SYK: variants seen among roughly 807,000 people sequenced by gnomAD.
The protein encoded by SYK is tyrosine-protein kinase SYK.
Under a neutral mutation model 77.8 loss-of-function variants are expected in SYK, and 16 were observed. That is an observed-to-expected ratio of 0.21 (90% CI 0.14 to 0.31). SYK has a LOEUF of 0.31. SYK is among the 10% of genes least tolerant of loss of function. The probability of loss-of-function intolerance (pLI) is 1.00; values close to 1 mark genes in which losing one functional copy is unlikely to be tolerated. For missense variants in SYK, 529 were observed against 814.4 expected, an observed-to-expected ratio of 0.65 and a Z score of 4.26; for synonymous variants, 312 against 308.7, an observed-to-expected ratio of 1.01 and a Z score of -0.11.
intron 6 of SYK, among the ~76,000 whole-genome samples, chr9:90,866,789 A>T (rs549500348): frequency 1.3e-5 from 2 of 152,350 alleles, no homozygotes; most frequent in South Asian, 4.1e-4. Context: ...AACACAACTG[A>T]GCACTCAGAT....
At chr9:90,837,959 G>C (rs1351676488) in intron 1 of SYK, among the ~76,000 whole-genome samples, 3 of 152,138 alleles carry the variant, frequency 2.0e-5, no homozygotes, top group Non-Finnish European at 4.4e-5. Context: ...TTTCTGACTT[G>C]GTGAGAGGGA....
intron 5 of SYK, 79 bp from the exon 6 acceptor site, chr9:90,864,969 T>C (rs1386932879): frequency 3.6e-6 from 5 of 1,383,756 alleles, no homozygotes; most frequent in East Asian, 2.3e-5. Context: ...CCTGATCTCA[T>C]TGATTGATCT....
chr9:90,835,626 A>G (rs185266263), intron 1 of SYK, among the ~76,000 whole-genome samples: 20 of 152,308 alleles, frequency 1.3e-4, no homozygotes, highest in Non-Finnish European at 2.5e-4. Flanking sequence ...ATGGGGAATC[A>G]GATAAGAAAG....
At chr9:90,836,956 A>G (rs4744511) in intron 1 of SYK, among the ~76,000 whole-genome samples, 1 of 152,264 alleles carries the variant, frequency 6.6e-6, no homozygotes, top group South Asian at 2.1e-4. Context: ...TATTGTAAAC[A>G]TATATTCTAT....
In SYK at chr9:90,806,503, G is replaced by A. The variant is rs572750587; in HGVS notation, c.-42+4610G>A. ...TCTTGCCTCAGCCTCCCAAAGTGCT[G>A]GGATTATAGGCATGATCCACTGTGC... On this transcript the variant is annotated intron_variant, in intron 1 of 13. Transcript: ENST00000375754. Among the ~76,000 whole-genome samples, 18 of 151,988 alleles carry A rather than the reference G, an allele frequency of 1.2e-4. No homozygotes were observed. In the South Asian group the frequency reaches 2.7e-3, roughly 23 times the overall value.
chr9:90,814,966 T>C (rs982392365), intron 1 of SYK, among the ~76,000 whole-genome samples: 1 of 152,194 alleles, frequency 6.6e-6, no homozygotes, highest in Admixed American at 6.5e-5. Flanking sequence ...AGAAAGCTAC[T>C]AAGTCATGTA....
chr9:90,884,444 T>C (rs1294111161), intron 11 of SYK, among the ~76,000 whole-genome samples: 7 of 91,310 alleles, frequency 7.7e-5, no homozygotes, highest in Non-Finnish European at 1.2e-4. Context: ...TGTGTACATA[T>C]ACATACACAT....
chr9:90,842,222 TAGTG>T (rs1243453348), intron 1 of SYK, among the ~76,000 whole-genome samples: 1 of 150,236 alleles, frequency 6.7e-6, no homozygotes, highest in Non-Finnish European at 1.5e-5. Flanking sequence ...GTGATGTGCA[TAGTG>T]TGCGTGTAGT....
chr9:90,816,498 G>C (rs72729013), intron 1 of SYK, among the ~76,000 whole-genome samples: 3,027 of 152,274 alleles, frequency 0.02, 108 homozygotes, highest in East Asian at 0.16. Context: ...TTTCCAAGGA[G>C]AAGCTTGAGG....
chr9:90,874,588 T>C, intron 8 of SYK, 84 bp from the exon 9 acceptor site: 1 of 1,454,694 alleles, frequency 6.9e-7, no homozygotes, highest in South Asian at 1.3e-5. Context: ...TGAGTTCATA[T>C]TCCCATGAAG....
intron 12 of SYK, 51 bp from the exon 13 acceptor site, chr9:90,888,464 G>C: frequency 7.2e-7 from 1 of 1,396,172 alleles, no homozygotes; most frequent in Non-Finnish European, 9.7e-7. Context: ...TGTTTTGTTT[G>C]ACTAACACCT....
chr9:90,842,690 G>A (rs1180622808), intron 1 of SYK, among the ~76,000 whole-genome samples: 2 of 151,398 alleles, frequency 1.3e-5, no homozygotes, highest in Non-Finnish European at 2.9e-5. Context: ...TGGTGTGTGT[G>A]TAGTGCAGGT....
At chr9:90,886,331 GA>G (rs1209499976) in intron 11 of SYK, among the ~76,000 whole-genome samples, 1 of 152,046 alleles carries the variant, frequency 6.6e-6, no homozygotes, top group Non-Finnish European at 1.5e-5. Flanking sequence ...GCAGATGCAG[GA>G]AAAAAAGGAA....
At position 90,845,597 on chromosome 9, in the gene SYK, G is replaced by A. The variant is rs202017568; in HGVS notation, c.578+3G>A. On this transcript the variant is annotated splice_donor_region_variant and intron_variant, in intron 3 of 13. Transcript: ENST00000375754. The stretch of plus-strand genomic sequence containing the variant: ...TCAAAGACAAATGGAAAGTTCCTGT[G>A]AGTATCGTGCCTTCCCCCTCACCTC... 5.6e-6 allele frequency: 9 copies of A among 1,613,402 alleles called. No individual in the cohort carries two copies. The highest frequency in any genetic ancestry group is 4.2e-6 in the Non-Finnish European group (5 of 1,179,614).
intron 1 of SYK, among the ~76,000 whole-genome samples, chr9:90,840,742 G>A (rs1487518859): frequency 1.3e-5 from 2 of 152,174 alleles, no homozygotes; most frequent in African/African-American, 4.8e-5. Flanking sequence ...TGAATTTTTA[G>A]AAACTTGTTG....
chr9:90,821,531 A>G (rs1434136244), intron 1 of SYK, among the ~76,000 whole-genome samples: 1 of 152,174 alleles, frequency 6.6e-6, no homozygotes, highest in African/African-American at 2.4e-5. Flanking sequence ...TAGCATGGGA[A>G]AGACTGGCCC....
intron 1 of SYK, among the ~76,000 whole-genome samples, chr9:90,804,331 C>T (rs1376590474): frequency 6.6e-6 from 1 of 152,184 alleles, no homozygotes; most frequent in Non-Finnish European, 1.5e-5. Context: ...AGAAACAGAG[C>T]AGAAGTTACT....
chr9:90,849,120 G>T (rs942983530), intron 3 of SYK, among the ~76,000 whole-genome samples: 1 of 152,168 alleles, frequency 6.6e-6, no homozygotes, highest in Non-Finnish European at 1.5e-5. Context: ...TGGGCAAGTT[G>T]GGGGGGCTGT....
In SYK at chr9:90,824,741, T is replaced by TA. The variant is rs560590829; in HGVS notation, c.-41-19106dup. Among the ~76,000 whole-genome samples, 324 of 144,804 alleles carry TA rather than the reference T, an allele frequency of 2.2e-3. 3 individuals are homozygous for TA. The highest frequency in any genetic ancestry group is 4.0e-3 in the African/African-American group (158 of 39,928). 95.0% of individuals were successfully genotyped at this position (144,804 alleles called of 152,430 possible). ...ACTTTTGTAACTTGATAAAGAGCAT[T>TA]AAAAAAAAAAACCTACAGGTAACAT... On this transcript the variant is annotated intron_variant, in intron 1 of 13. Coordinates refer to ENST00000375754, the MANE Select transcript of SYK (RefSeq NM_003177.7).
Sources: gnomAD v4.1 joint callset for allele counts (sites outside exome capture counted in the v4.1 genomes callset) on GRCh38, gnomAD v4.1.1 for gene constraint, MANE v1.5 for transcripts, NCBI Gene and HGNC (gene_info 2026-07-23, HGNC 2026-07-21) for gene names.